The following CRIM1 variants were observed in gnomAD, a reference collection of about 807,000 sequenced individuals.
CRIM1 encodes cysteine-rich motor neuron 1 protein.
CRIM1 carries 32 observed loss-of-function variants against 116.4 expected under a neutral mutation model. The observed-to-expected ratio is 0.27, with a 90% CI of 0.21 to 0.37. The LOEUF is 0.37. CRIM1 is among the 10% of genes least tolerant of loss of function. CRIM1 has a pLI of 1.00. For synonymous variants in CRIM1, 590 were observed against 509.2 expected (o/e 1.16, Z -2.13); for missense variants, 1,331 against 1,354.8 (o/e 0.98, Z 0.28).
intron 16 of CRIM1, 52 bp downstream of exon 16, chr2:36,547,223 C>T (rs1409406796): frequency 2.8e-6 from 4 of 1,444,196 alleles, no homozygotes; most frequent in Non-Finnish European, 3.9e-6. Flanking sequence ...GGAAAACTTA[C>T]ACTCATATTG....
In CRIM1 at chr2:36,480,144, G is replaced by A. The variant is rs377230791; in HGVS notation, c.1372+450G>A. On this transcript the variant is annotated intron_variant, in intron 7 of 16. Transcript: ENST00000280527. ...ATTTCCACTGCCTAGTGCCGTCACC[G>A]AGTATCTGTTCTACTTCTCATATAC... is the stretch of plus-strand genomic sequence containing the variant. Among the ~76,000 whole-genome samples, 32 of 152,286 alleles carry A rather than the reference G, an allele frequency of 2.1e-4. No homozygotes were observed. In the South Asian group the frequency reaches 3.9e-3, roughly 19 times the overall value.
rs1437737131 is a variant in CRIM1, at chr2:36,548,528, T to G, written c.2938T>G (p.Ser980Ala). 1 of 1,563,072 alleles carries G rather than the reference T, an allele frequency of 6.4e-7. No individual in the cohort carries two copies. Among genetic ancestry groups the G allele is most frequent in the Non-Finnish European group, 8.6e-7 (1 of 1,161,526 alleles). ...LCWYRTPTKP[S>A]SLNNQLVSVD... The stretch of plus-strand genomic sequence containing the variant: ...TATTCCTCCTCTCATTAAATAGCCT[T>G]CTTCCTTAAATAATCAGCTAGTATC... Residue 980 changes from serine (S) to alanine (A), a missense_variant, in exon 17 of 17, where the codon TCT becomes GCT. Transcript: ENST00000280527.
intron 7 of CRIM1, among the ~76,000 whole-genome samples, chr2:36,481,472 C>T (rs986598565): frequency 6.6e-6 from 1 of 152,082 alleles, no homozygotes; most frequent in Non-Finnish European, 1.5e-5. Context: ...AATTAAGAAC[C>T]TCCTGGAATT....
chr2:36,386,631 A>G (rs955344903), intron 1 of CRIM1, among the ~76,000 whole-genome samples: 1 of 152,236 alleles, frequency 6.6e-6, no homozygotes, highest in Non-Finnish European at 1.5e-5. Flanking sequence ...TTGCTAAGCT[A>G]CTATTTGCTA....
Position 36,479,594 on chromosome 2 carries a change from C to T in CRIM1, c.1272C>T (p.Cys424=), listed in dbSNP as rs1178328615. Residue 424 remains cysteine, a synonymous_variant, in exon 7 of 17, where the codon TGC becomes TGT. Transcript: ENST00000280527. Reference sequence around the variant, plus strand: ...GGCGGGAAGACGACTGCACATTCTGCCAGTGCGTCAACGGTGAACGCCACT... The same window carrying T: ...GGCGGGAAGACGACTGCACATTCTGTCAGTGCGTCAACGGTGAACGCCACT... ...DRWREDDCTF[C]QCVNGERHCV... is the part of the protein sequence containing the mutation. 6.2e-7 allele frequency: 1 copy of T among 1,614,246 alleles called. No individual in the cohort carries two copies. Among genetic ancestry groups the T allele is most frequent in the Admixed American group, 1.7e-5 (1 of 60,032 alleles).
In CRIM1 at chr2:36,499,316, C is replaced by T. The variant is rs921033151; in HGVS notation, c.1470C>T (p.His490=). 3.7e-6 allele frequency: 6 copies of T among 1,614,110 alleles called. No homozygotes were observed. The highest frequency in any genetic ancestry group is 4.2e-6 in the Non-Finnish European group (5 of 1,180,004). The change falls in exon 8 of 17, where the codon CAC becomes CAT. Residue 490 remains histidine (H), a synonymous_variant. Coordinates refer to ENST00000280527, the MANE Select transcript of CRIM1 (RefSeq NM_016441.3). ...KDCINGFKRD[H]NGCRTCQCIN... ...GCATTAATGGTTTCAAACGCGATCACAATGGTTGTCGGACCTGTCAGTGCA... is the reference window on the plus strand; with the variant it reads ...GCATTAATGGTTTCAAACGCGATCATAATGGTTGTCGGACCTGTCAGTGCA...
intron 11 of CRIM1, 61 bp downstream of exon 11, chr2:36,513,826 T>C: frequency 7.5e-7 from 1 of 1,332,086 alleles, no homozygotes; most frequent in Non-Finnish European, 1.1e-6. Context: ...TGCAGGGCCC[T>C]AGACACATTT....
chr2:36,532,812 T>C (rs532591646), intron 13 of CRIM1, among the ~76,000 whole-genome samples: 25 of 152,298 alleles, frequency 1.6e-4, no homozygotes, highest in South Asian at 6.2e-4. Context: ...CCCTGACCCA[T>C]TGGGCAATGG....
intron 1 of CRIM1, among the ~76,000 whole-genome samples, chr2:36,357,030 G>A (rs368550116): frequency 1.3e-5 from 2 of 152,214 alleles, no homozygotes; most frequent in East Asian, 3.9e-4. Flanking sequence ...CCCCGCACTG[G>A]CGCAGTGTGG....
At chr2:36,526,505 G>A (rs1300073143) in intron 13 of CRIM1, among the ~76,000 whole-genome samples, 1 of 152,172 alleles carries the variant, frequency 6.6e-6, no homozygotes, top group Non-Finnish European at 1.5e-5. Flanking sequence ...AATTATTTCA[G>A]TGCTTTCAGT....
At chr2:36,524,661 CTTAA>C (rs1451412615) in intron 13 of CRIM1, among the ~76,000 whole-genome samples, 3 of 152,106 alleles carry the variant, frequency 2.0e-5, no homozygotes, top group African/African-American at 7.2e-5. Context: ...TGTTTTGCTA[CTTAA>C]TTGTTAAATT....
intron 5 of CRIM1, among the ~76,000 whole-genome samples, chr2:36,470,988 A>T (rs1332524816): frequency 3.9e-5 from 6 of 152,204 alleles, no homozygotes; most frequent in Admixed American, 3.9e-4. Flanking sequence ...AATGACTTTG[A>T]GGAGCTGAAG....
intron 15 of CRIM1, among the ~76,000 whole-genome samples, chr2:36,546,635 A>G (rs1184737327): frequency 1.3e-5 from 2 of 152,056 alleles, no homozygotes; most frequent in South Asian, 2.1e-4. Flanking sequence ...AAGACCATGT[A>G]TGTTAACAGT....
Position 36,494,434 on chromosome 2 carries a change from T to G in CRIM1, c.1373-4785T>G, listed in dbSNP as rs145494829. ...TTTTTAATAAATGTAAAATAAAGAA[T>G]CAACATGTGTTTGTGTATGTTATTG... On this transcript the variant is annotated intron_variant, in intron 7 of 16. Transcript: ENST00000280527. Among the ~76,000 whole-genome samples the G allele has an allele frequency of 6.6e-5, 10 of 152,320 alleles. No individual in the cohort carries two copies. In the East Asian group the frequency reaches 1.9e-3, roughly 29 times the overall value.
At chr2:36,482,342 T>C (rs1679484507) in intron 7 of CRIM1, among the ~76,000 whole-genome samples, 1 of 152,198 alleles carries the variant, frequency 6.6e-6, no homozygotes, top group Non-Finnish European at 1.5e-5. Context: ...CAGATTATTT[T>C]AGTATAGGAT....
At position 36,462,605 on chromosome 2, in the gene CRIM1, G is replaced by T. The variant is rs143684077; in HGVS notation, c.870-1929G>T. Reference sequence around the variant, plus strand: ...GTTTAGAGTAGAATGATTCCCTGGAGCACGTGTGTAGGCAAGAATGTGGAA... The same window carrying T: ...GTTTAGAGTAGAATGATTCCCTGGATCACGTGTGTAGGCAAGAATGTGGAA... On this transcript the variant is annotated intron_variant, in intron 4 of 16. Transcript: ENST00000280527. Among the ~76,000 whole-genome samples the T allele has an allele frequency of 2.9e-3, 445 of 152,314 alleles. 5 individuals carry two copies. Among genetic ancestry groups the T allele is most frequent in the African/African-American group, 0.01 (425 of 41,568 alleles).
At chr2:36,423,320 A>C (rs1016989195) in intron 2 of CRIM1, among the ~76,000 whole-genome samples, 1 of 152,332 alleles carries the variant, frequency 6.6e-6, no homozygotes, top group East Asian at 1.9e-4. Flanking sequence ...GTTTTTAGCT[A>C]TTTAAAATAA....
intron 12 of CRIM1, among the ~76,000 whole-genome samples, chr2:36,519,735 C>T (rs1038938645): frequency 2.6e-5 from 4 of 152,138 alleles, no homozygotes; most frequent in Non-Finnish European, 5.9e-5. Context: ...CTTCTCTGGC[C>T]TGGTTTAAAG....
At chr2:36,539,451 T>C (rs1666789674) in intron 14 of CRIM1, among the ~76,000 whole-genome samples, 1 of 151,814 alleles carries the variant, frequency 6.6e-6, no homozygotes, top group Non-Finnish European at 1.5e-5. Context: ...CGCAGATGAG[T>C]GCAAGATTGT....
Sources: gnomAD v4.1 joint callset for allele counts (sites outside exome capture counted in the v4.1 genomes callset) on GRCh38, gnomAD v4.1.1 for gene constraint, MANE v1.5 for transcripts, NCBI Gene and HGNC (gene_info 2026-07-23, HGNC 2026-07-21) for gene names.